Variants in KBTBD2 observed in about 807,000 individuals in gnomAD.
KBTBD2 encodes the protein kelch repeat and BTB domain containing 2.
Under a neutral mutation model 57.1 loss-of-function variants are expected in KBTBD2, and 17 were observed. That is an observed-to-expected ratio of 0.30 (90% CI 0.20 to 0.45). KBTBD2 has a LOEUF of 0.45. Among genes scored for constraint, KBTBD2 ranks in the 20% least tolerant of loss-of-function variants. The pLI is 1.00. For synonymous variants in KBTBD2, 267 were observed against 262.7 expected, an observed-to-expected ratio of 1.02 and a Z score of -0.16; for missense variants, 515 against 750.6, an observed-to-expected ratio of 0.69 and a Z score of 3.67.
intron 3 of KBTBD2, 27 bp downstream of exon 3, chr7:32,874,965 C>T (rs760782943): frequency 7.5e-6 from 12 of 1,598,768 alleles, no homozygotes; most frequent in African/African-American, 1.3e-5. Flanking sequence ...AGAGAGACTC[C>T]GTCTAAAAAA....
intron 1 of KBTBD2, among the ~76,000 whole-genome samples, chr7:32,884,251 G>T (rs1784512259): frequency 6.6e-6 from 1 of 152,094 alleles, no homozygotes; most frequent in South Asian, 2.1e-4. Context: ...GCTGGCTCAT[G>T]CCTGTACTCC....
chr7:32,881,462 G>A lies in KBTBD2; in HGVS notation c.-338-1520C>T, dbSNP rs77278941. On this transcript the variant is annotated intron_variant, in intron 1 of 3. Coordinates refer to ENST00000304056, the MANE Select transcript of KBTBD2 (RefSeq NM_015483.3). ...ATAATGAGAAATGACTCCATCATTA[G>A]AATCACTGTTATTTTTCCTCACAAA... 8.7e-3 allele frequency among the ~76,000 whole-genome samples: 1,321 copies of A among 152,234 alleles called. 18 individuals are homozygous for A. The highest frequency in any genetic ancestry group is 0.03 in the African/African-American group (1,263 of 41,530).
At chr7:32,879,327 T>G in intron 2 of KBTBD2, 108 bp downstream of exon 2, 1 of 734,230 alleles carries the variant, frequency 1.4e-6, no homozygotes, top group East Asian at 2.7e-5. Flanking sequence ...CTACATCATC[T>G]GAATAGAAAC....
chr7:32,870,008 G>T lies in KBTBD2; in HGVS notation c.1209C>A (p.Asp403Glu). ...ELNRRTVERY[D>E]TEKDEWTMVS... is the part of the protein sequence containing the mutation. ...CCATCGTCCACTCATCTTTCTCAGT[G>T]TCGTATCTTTCTACGGTCCTCCGAT... The change falls in exon 4 of 4, where the codon GAC (aspartate) becomes GAA (glutamate). Residue 403 changes from aspartate (D) to glutamate (E), a missense_variant. By Grantham distance (45) the Asp-to-Glu change is conservative. Transcript: ENST00000304056. 1.5e-5 allele frequency: 25 copies of T among 1,614,162 alleles called. No individual in the cohort carries two copies. Among genetic ancestry groups the T allele is most frequent in the Non-Finnish European group, 2.0e-5 (24 of 1,180,020 alleles).
chr7:32,884,704 T>C (rs2127955726), intron 1 of KBTBD2, among the ~76,000 whole-genome samples: 1 of 151,540 alleles, frequency 6.6e-6, no homozygotes, highest in South Asian at 2.1e-4. Context: ...AAAATAAAAA[T>C]AAAAATAGTA....
intron 1 of KBTBD2, among the ~76,000 whole-genome samples, chr7:32,886,567 C>G (rs1416412741): frequency 6.6e-6 from 1 of 152,158 alleles, no homozygotes; most frequent in Non-Finnish European, 1.5e-5. Flanking sequence ...TATCAGAGAC[C>G]TGAGTGTCCT....
chr7:32,872,893 T>C (rs1170838928), intron 3 of KBTBD2, among the ~76,000 whole-genome samples: 1 of 152,154 alleles, frequency 6.6e-6, no homozygotes, highest in Non-Finnish European at 1.5e-5. Context: ...TCCCAATCAT[T>C]TTGGATAAAG....
At position 32,879,787 on chromosome 7, in the gene KBTBD2, G is replaced by C; in HGVS notation, c.-183C>G. The C allele has an allele frequency of 3.7e-6, 2 of 536,418 alleles. No individual in the cohort carries two copies. Among genetic ancestry groups the C allele is most frequent in the Non-Finnish European group, 3.3e-6 (1 of 307,432 alleles). The allele number at this position is 536,418 out of a possible 1,614,324, so 33.2% of individuals were successfully genotyped here. A position where few individuals can be genotyped will look rare whatever the true frequency, so the allele number is the denominator to read the frequency against. ...TTACACAGACTTAGAATCACTCCTA[G>C]GTCATCCTGTGTTAATTAGGTTCTT... On this transcript the variant is annotated 5_prime_UTR_variant, in exon 2 of 4. Transcript: ENST00000304056.
At chr7:32,876,117 C>A (rs1027942436) in intron 2 of KBTBD2, among the ~76,000 whole-genome samples, 45 of 152,164 alleles carry the variant, frequency 3.0e-4, no homozygotes, top group African/African-American at 1.0e-3. Flanking sequence ...CTATTATATA[C>A]AGGAAATCAT....
At chr7:32,878,986 A>G (rs1349459255) in intron 2 of KBTBD2, among the ~76,000 whole-genome samples, 1 of 152,250 alleles carries the variant, frequency 6.6e-6, no homozygotes, top group Admixed American at 6.5e-5. Flanking sequence ...TGGTAATAGT[A>G]AAGAGTGAGA....
intron 3 of KBTBD2, among the ~76,000 whole-genome samples, chr7:32,873,341 T>G (rs1583774629): frequency 9.1e-6 from 1 of 109,960 alleles, no homozygotes; most frequent in Non-Finnish European, 1.8e-5. Context: ...AAGTTTTCTG[T>G]GAAAAATAGT....
intron 2 of KBTBD2, among the ~76,000 whole-genome samples, chr7:32,876,643 T>G (rs754672361): frequency 6.6e-6 from 1 of 152,164 alleles, no homozygotes; most frequent in Admixed American, 6.5e-5. Context: ...CTAAGTTATA[T>G]TGGCAGAAAT....
chr7:32,881,514 G>A (rs1348228661), intron 1 of KBTBD2, among the ~76,000 whole-genome samples: 2 of 151,870 alleles, frequency 1.3e-5, no homozygotes, highest in Admixed American at 1.3e-4. Context: ...CAAAGAGAAT[G>A]ACATACACTT....
At chr7:32,890,152 A>C (rs1784694041) in intron 1 of KBTBD2, among the ~76,000 whole-genome samples, 1 of 152,260 alleles carries the variant, frequency 6.6e-6, no homozygotes, top group African/African-American at 2.4e-5. Context: ...TGTGGACTAC[A>C]GAGCATGCTC....
At chr7:32,890,089 T>G (rs1784692204) in intron 1 of KBTBD2, among the ~76,000 whole-genome samples, 1 of 111,728 alleles carries the variant, frequency 9.0e-6, no homozygotes, top group African/African-American at 5.0e-5. Flanking sequence ...GTTACAGCAC[T>G]CATAAAGTCT....
intron 1 of KBTBD2, chr7:32,891,023 G>A (rs1000126168): frequency 1.3e-5 from 2 of 152,102 alleles, no homozygotes; most frequent in Non-Finnish European, 2.9e-5. Context: ...TTTTTAAGTC[G>A]ATATAGACCA....
intron 2 of KBTBD2, among the ~76,000 whole-genome samples, chr7:32,877,751 A>G (rs947526909): frequency 9.2e-5 from 14 of 152,146 alleles, no homozygotes; most frequent in African/African-American, 3.4e-4. Context: ...TAAATATCTG[A>G]TTTGTTTTAG....
intron 3 of KBTBD2, among the ~76,000 whole-genome samples, chr7:32,871,974 A>G (rs1172803642): frequency 6.6e-6 from 1 of 152,222 alleles, no homozygotes; most frequent in East Asian, 1.9e-4. Context: ...GTATTCTGGA[A>G]TCAGATTTTC....
intron 1 of KBTBD2, among the ~76,000 whole-genome samples, chr7:32,890,506 G>A (rs1784704973): frequency 6.6e-6 from 1 of 152,112 alleles, no homozygotes; most frequent in African/African-American, 2.4e-5. Flanking sequence ...AGAGGGAAGA[G>A]GGGGAAGATC....
Sources: gnomAD v4.1 joint callset for allele counts (sites outside exome capture counted in the v4.1 genomes callset) on GRCh38, gnomAD v4.1.1 for gene constraint, MANE v1.5 for transcripts, NCBI Gene and HGNC (gene_info 2026-07-23, HGNC 2026-07-21) for gene names.